Variants in PACRG observed in about 807,000 individuals in gnomAD.
PACRG encodes parkin coregulated.
In PACRG, 29 loss-of-function variants were observed where a neutral mutation model predicts 29.7. The observed-to-expected ratio is 0.98, with a 90% CI of 0.73 to 1.33. The LOEUF is 1.33. PACRG is among the 40% of genes most tolerant of loss of function. PACRG has a pLI of 0.00. For synonymous variants in PACRG, 116 were observed against 118.7 expected (o/e 0.98, Z 0.15); for missense variants, 279 against 316.2 (o/e 0.88, Z 0.89).
chr6:163,276,665 T>A (rs1054291720), intron 4 of PACRG, among the ~76,000 whole-genome samples: 2 of 151,264 alleles, frequency 1.3e-5, no homozygotes, highest in Non-Finnish European at 2.9e-5. Context: ...CTTTGGGGGG[T>A]GATTAGATCA....
In PACRG at chr6:163,315,019, G is replaced by T. The variant is rs768011309; in HGVS notation, c.*32G>T. 3 of 1,603,048 alleles carry T rather than the reference G, an allele frequency of 1.9e-6. No homozygotes were observed. The highest frequency in any genetic ancestry group is 1.1e-5 in the South Asian group (1 of 89,838). On this transcript the variant is annotated 3_prime_UTR_variant, in exon 5 of 5. Coordinates refer to ENST00000366888, the MANE Select transcript of PACRG (RefSeq NM_001080379.2). Reference sequence around the variant, plus strand: ...CAGCAGCTGGGACTTGAAACCTCCCGTTGGTGTTGGGATCATCTGTCTCTG... The same window carrying T: ...CAGCAGCTGGGACTTGAAACCTCCCTTTGGTGTTGGGATCATCTGTCTCTG...
At chr6:162,997,160 C>T (rs1804141878) in intron 2 of PACRG, among the ~76,000 whole-genome samples, 1 of 152,108 alleles carries the variant, frequency 6.6e-6, no homozygotes, top group Non-Finnish European at 1.5e-5. Context: ...AATCCATTTT[C>T]TTACTTTTCT....
intron 2 of PACRG, among the ~76,000 whole-genome samples, chr6:162,945,266 A>G (rs1798921641): frequency 6.6e-6 from 1 of 152,132 alleles, no homozygotes; most frequent in Admixed American, 6.5e-5. Flanking sequence ...ACAAGAAACT[A>G]ATCTCACCTG....
At chr6:162,769,629 A>C (rs1363020460) in intron 1 of PACRG, among the ~76,000 whole-genome samples, 2 of 152,082 alleles carry the variant, frequency 1.3e-5, no homozygotes, top group Non-Finnish European at 2.9e-5. Context: ...CTGTATAAAC[A>C]AATGTTGGTA....
At position 163,259,229 on chromosome 6, in the gene PACRG, AC is replaced by A. The variant is rs1229275678; in HGVS notation, c.614-55597del. ...ACACTGACTCAACACCCAGCAACTA[AC>A]AACATTCAGCAAAAGCATGAGAAGA... On this transcript the variant is annotated intron_variant, in intron 4 of 4. Transcript: ENST00000366888. 6.6e-5 allele frequency among the ~76,000 whole-genome samples: 10 copies of A among 152,300 alleles called. No individual in the cohort carries two copies. In the South Asian group the frequency reaches 1.5e-3, roughly 22 times the overall value.
At chr6:163,135,554 T>C (rs990661316) in intron 4 of PACRG, among the ~76,000 whole-genome samples, 4 of 152,248 alleles carry the variant, frequency 2.6e-5, no homozygotes, top group Non-Finnish European at 5.9e-5. Flanking sequence ...TCCATTTATT[T>C]GATTGTCATT....
intron 2 of PACRG, among the ~76,000 whole-genome samples, chr6:162,998,050 T>A (rs1214150016): frequency 6.6e-6 from 1 of 152,218 alleles, no homozygotes; most frequent in Non-Finnish European, 1.5e-5. Context: ...GGGATAATAA[T>A]AGTACCTACC....
At position 163,283,763 on chromosome 6, in the gene PACRG, T is replaced by G. The variant is rs1343472325; in HGVS notation, c.614-31064T>G. On this transcript the variant is annotated intron_variant, in intron 4 of 4. Coordinates refer to ENST00000366888, the MANE Select transcript of PACRG (RefSeq NM_001080379.2). ...TTGCAGTGAGCCGAGATTGTGCCAC[T>G]GCAGTCCGCAGTCCGGCCTGGGCGA... 2.7e-5 allele frequency among the ~76,000 whole-genome samples: 4 copies of G among 146,470 alleles called. No individual in the cohort carries two copies. In the East Asian group the frequency reaches 6.0e-4, roughly 22 times the overall value.
chr6:163,053,472 AAAAGT>A (rs1810239465), intron 2 of PACRG, among the ~76,000 whole-genome samples: 1 of 152,212 alleles, frequency 6.6e-6, no homozygotes, highest in South Asian at 2.1e-4. Context: ...CCAGAGTTTT[AAAAGT>A]AAAGGGAATT....
chr6:162,842,407 T>G (rs2128411011), intron 2 of PACRG, among the ~76,000 whole-genome samples: 1 of 151,482 alleles, frequency 6.6e-6, no homozygotes, highest in East Asian at 1.9e-4. Flanking sequence ...TATCAGAGAC[T>G]AGGATTGCAG....
intron 4 of PACRG, among the ~76,000 whole-genome samples, chr6:163,138,637 G>A (rs1034559122): frequency 1.8e-4 from 27 of 152,176 alleles, no homozygotes; most frequent in South Asian, 2.1e-4. Flanking sequence ...AGGAGGCGGA[G>A]CTCAGGCAGT....
chr6:162,858,952 C>A (rs1791628638), intron 2 of PACRG, among the ~76,000 whole-genome samples: 3 of 152,298 alleles, frequency 2.0e-5, no homozygotes, highest in South Asian at 2.1e-4. Flanking sequence ...CAGGAAAAGT[C>A]ACAGAGACCC....
At chr6:163,116,680 C>T (rs372005446) in intron 4 of PACRG, among the ~76,000 whole-genome samples, 1 of 152,086 alleles carries the variant, frequency 6.6e-6, no homozygotes, top group Non-Finnish European at 1.5e-5. Flanking sequence ...AGGTCAGGGG[C>T]TCAAGGGCCA....
chr6:162,735,773 C>G (rs1479958240), intron 1 of PACRG, among the ~76,000 whole-genome samples: 1 of 152,112 alleles, frequency 6.6e-6, no homozygotes, highest in Non-Finnish European at 1.5e-5. Flanking sequence ...ATGTTTACCT[C>G]AAACATACTT....
chr6:162,778,178 A>G (rs1783798977), intron 1 of PACRG, among the ~76,000 whole-genome samples: 1 of 151,994 alleles, frequency 6.6e-6, no homozygotes, highest in African/African-American at 2.4e-5. Context: ...AGCAGCGCTG[A>G]GGCTAAAGGA....
chr6:162,781,457 A>T (rs1041711810), intron 1 of PACRG, among the ~76,000 whole-genome samples: 3 of 151,942 alleles, frequency 2.0e-5, no homozygotes, highest in Non-Finnish European at 4.4e-5. Context: ...CCAGAAATGG[A>T]AACTATAAGA....
At chr6:162,919,483 T>C (rs942982671) in intron 2 of PACRG, among the ~76,000 whole-genome samples, 5 of 152,102 alleles carry the variant, frequency 3.3e-5, no homozygotes, top group Non-Finnish European at 7.4e-5. Flanking sequence ...CCATGCAAAA[T>C]GGAATAGATC....
intron 4 of PACRG, among the ~76,000 whole-genome samples, chr6:163,241,946 G>A (rs1188550296): frequency 2.0e-5 from 3 of 152,096 alleles, no homozygotes; most frequent in Non-Finnish European, 4.4e-5. Context: ...AAGTGAAGGG[G>A]GAGACGTGAG....
intron 4 of PACRG, among the ~76,000 whole-genome samples, chr6:163,294,536 T>C (rs1445498164): frequency 6.6e-6 from 1 of 152,164 alleles, no homozygotes; most frequent in Non-Finnish European, 1.5e-5. Context: ...TGGACAAAAT[T>C]TGAAAGGAAA....
Sources: gnomAD v4.1 joint callset for allele counts (sites outside exome capture counted in the v4.1 genomes callset) on GRCh38, gnomAD v4.1.1 for gene constraint, MANE v1.5 for transcripts, NCBI Gene and HGNC (gene_info 2026-07-23, HGNC 2026-07-21) for gene names.